PLD5: variants seen among roughly 807,000 people sequenced by gnomAD.
The protein encoded by PLD5 is inactive phospholipase D5.
PLD5 carries 36 observed loss-of-function variants against 61.1 expected under a neutral mutation model. The ratio of observed to expected loss-of-function variants is 0.59; its 90% CI spans 0.45 to 0.78. The LOEUF is 0.78. Ranked by LOEUF, PLD5 falls within the 30% of genes least tolerant of loss-of-function variation. The pLI, the probability that PLD5 is intolerant of heterozygous loss-of-function variation, is 0.00. For missense variants in PLD5, 515 were observed against 644.4 expected (o/e 0.80, Z 2.17); for synonymous variants, 243 against 242.8 (o/e 1.00, Z -0.01).
chr1:242,300,570 G>A (rs1675976496), intron 2 of PLD5, among the ~76,000 whole-genome samples: 1 of 152,052 alleles, frequency 6.6e-6, no homozygotes. Flanking sequence ...GTGGGGCAGA[G>A]TTGGGGGGAC....
chr1:242,169,995 T>A (rs1231539146), intron 5 of PLD5, among the ~76,000 whole-genome samples: 2 of 152,222 alleles, frequency 1.3e-5, no homozygotes, highest in African/African-American at 4.8e-5. Flanking sequence ...AAGGGGTGGC[T>A]GTGGGCACAG....
intron 2 of PLD5, among the ~76,000 whole-genome samples, chr1:242,305,044 T>C (rs141401765): frequency 0.015 from 2,289 of 152,302 alleles, 24 homozygotes; most frequent in Non-Finnish European, 0.026. Flanking sequence ...AGGCAGAGGT[T>C]GCAGTGAGCT....
chr1:242,513,981 C>T (rs1347465047), intron 1 of PLD5, among the ~76,000 whole-genome samples: 1 of 152,204 alleles, frequency 6.6e-6, no homozygotes, highest in Non-Finnish European at 1.5e-5. Flanking sequence ...TTTTACTTCC[C>T]TTTTCACAAT....
intron 5 of PLD5, among the ~76,000 whole-genome samples, chr1:242,202,052 T>G (rs944316191): frequency 6.6e-6 from 1 of 151,954 alleles, no homozygotes; most frequent in Non-Finnish European, 1.5e-5. Flanking sequence ...CCATCTCTAC[T>G]AAAAATACAA....
Position 242,089,118 on chromosome 1 carries a change from A to G in PLD5, c.*736T>C, listed in dbSNP as rs1353262441. On this transcript the variant is annotated 3_prime_UTR_variant, in exon 10 of 10. Transcript: ENST00000536534. ...TACCAATTCGGTAGGGGAAAAAAGG[A>G]TTCAGTTGAAAGGTGAAAATGAAAG... The G allele has an allele frequency of 2.3e-5, 9 of 388,582 alleles. No homozygotes were observed. Among genetic ancestry groups the G allele is most frequent in the Non-Finnish European group, 4.1e-5 (9 of 220,144 alleles). The allele number at this position is 388,582 out of a possible 1,614,324, so 24.1% of individuals were successfully genotyped here. A position where few individuals can be genotyped will look rare whatever the true frequency, so the allele number is the denominator to read the frequency against.
In PLD5 at chr1:242,421,590, G is replaced by A. The variant is rs916270304; in HGVS notation, c.190-73348C>T. Among the ~76,000 whole-genome samples the A allele has an allele frequency of 2.0e-5, 3 of 152,196 alleles. No individual in the cohort carries two copies. In the East Asian group the frequency reaches 5.8e-4, roughly 29 times the overall value. ...TTCATAGGGTAGGGATTGAAGAAAT[G>A]TGAATAGTCATACAGTCCCTGGAAT... On this transcript the variant is annotated intron_variant, in intron 1 of 9. Transcript: ENST00000536534.
chr1:242,181,786 G>C (rs1667534137), intron 5 of PLD5, among the ~76,000 whole-genome samples: 1 of 151,890 alleles, frequency 6.6e-6, no homozygotes, highest in Non-Finnish European at 1.5e-5. Context: ...GGGACTCCAG[G>C]CACTCACCAC....
intron 1 of PLD5, among the ~76,000 whole-genome samples, chr1:242,481,874 G>C (rs917243174): frequency 6.6e-6 from 1 of 152,126 alleles, no homozygotes; most frequent in Admixed American, 6.5e-5. Context: ...CCAGAGGAAC[G>C]ATCAGGCAGC....
intron 1 of PLD5, among the ~76,000 whole-genome samples, chr1:242,494,027 T>C (rs956726906): frequency 4.6e-5 from 7 of 151,956 alleles, no homozygotes; most frequent in African/African-American, 1.7e-4. Flanking sequence ...TAATTGCATT[T>C]ATTTGCCTTT....
chr1:242,127,143 TAAAA>T (rs566686943), intron 5 of PLD5, among the ~76,000 whole-genome samples: 35 of 151,956 alleles, frequency 2.3e-4, no homozygotes, highest in African/African-American at 6.0e-4. Flanking sequence ...AATCAAAAAA[TAAAA>T]AAATAATAGA....
intron 5 of PLD5, among the ~76,000 whole-genome samples, chr1:242,162,100 CATTT>C (rs1219556460): frequency 6.6e-5 from 10 of 152,136 alleles, no homozygotes; most frequent in Non-Finnish European, 4.4e-5. Context: ...AAGAAGTTGA[CATTT>C]ATTCAATTAA....
At chr1:242,477,495 G>A (rs1188953260) in intron 1 of PLD5, among the ~76,000 whole-genome samples, 3 of 152,118 alleles carry the variant, frequency 2.0e-5, no homozygotes, top group African/African-American at 7.2e-5. Flanking sequence ...GATAACTTTG[G>A]GGAAGCACAT....
intron 1 of PLD5, among the ~76,000 whole-genome samples, chr1:242,477,955 G>A (rs1040515997): frequency 6.6e-6 from 1 of 152,110 alleles, no homozygotes; most frequent in Non-Finnish European, 1.5e-5. Flanking sequence ...ATGGGTGGAC[G>A]GTATCAACCT....
At chr1:242,457,331 C>A (rs766484854) in intron 1 of PLD5, among the ~76,000 whole-genome samples, 5 of 152,092 alleles carry the variant, frequency 3.3e-5, no homozygotes, top group African/African-American at 4.8e-5. Context: ...AGTTGTCTAC[C>A]CCTCACATAC....
chr1:242,343,935 A>G (rs1444674513), intron 2 of PLD5, among the ~76,000 whole-genome samples: 2 of 152,060 alleles, frequency 1.3e-5, no homozygotes, highest in Admixed American at 6.6e-5. Context: ...AAACAAATGG[A>G]CAATGGCCAA....
In PLD5 at chr1:242,454,695, G is replaced by A. The variant is rs73140174; in HGVS notation, c.189+69393C>T. 5.7e-3 allele frequency among the ~76,000 whole-genome samples: 864 copies of A among 152,288 alleles called. 8 individuals are homozygous for A. Among genetic ancestry groups the A allele is most frequent in the African/African-American group, 0.02 (833 of 41,560 alleles). ...GTGGCTGTAATAGAAAGGAAATTAAGGAGAGAGTGGTAAAATGTGAGTGCC... is the reference window on the plus strand; with the variant it reads ...GTGGCTGTAATAGAAAGGAAATTAAAGAGAGAGTGGTAAAATGTGAGTGCC... On this transcript the variant is annotated intron_variant, in intron 1 of 9. Transcript: ENST00000536534.
Position 242,402,220 on chromosome 1 carries a change from A to G in PLD5, c.190-53978T>C, listed in dbSNP as rs560520042. On this transcript the variant is annotated intron_variant, in intron 1 of 9. Coordinates refer to ENST00000536534, the MANE Select transcript of PLD5 (RefSeq NM_001372062.1). ...AGATGTAATTTAGATAAACTAGAGA[A>G]TAAATGGAACAAATAAGATTATTCA... Among the ~76,000 whole-genome samples the G allele has an allele frequency of 2.0e-5, 3 of 152,356 alleles. No individual in the cohort carries two copies. In the East Asian group the frequency reaches 5.8e-4, roughly 29 times the overall value.
intron 5 of PLD5, among the ~76,000 whole-genome samples, chr1:242,143,965 C>G (rs1054345192): frequency 2.0e-5 from 3 of 150,126 alleles, no homozygotes; most frequent in Middle Eastern, 3.5e-3. Flanking sequence ...CTCAGCCTCT[C>G]AAGTAGCGAT....
At chr1:242,393,568 G>A (rs1192842042) in intron 1 of PLD5, among the ~76,000 whole-genome samples, 2 of 92,392 alleles carry the variant, frequency 2.2e-5, no homozygotes, top group Non-Finnish European at 4.0e-5. Context: ...GAGTATATAT[G>A]TGTATATATA....
Sources: allele counts gnomAD v4.1 joint callset (sites outside exome capture counted in the v4.1 genomes callset), GRCh38; gene constraint gnomAD v4.1.1; transcripts MANE v1.5; gene names NCBI Gene and HGNC (gene_info 2026-07-23, HGNC 2026-07-21).